ERC1: variants seen among roughly 807,000 people sequenced by gnomAD.
ERC1 encodes the protein RAB6 interacting protein 2.
In ERC1, 56 loss-of-function variants were observed where a neutral mutation model predicts 132.0. That is an observed-to-expected ratio of 0.42 (90% confidence interval 0.34 to 0.53). The LOEUF (loss-of-function observed/expected upper bound fraction) is 0.53. Among genes scored for constraint, ERC1 ranks in the 20% least tolerant of loss-of-function variants. The pLI, the probability that ERC1 is intolerant of heterozygous loss-of-function variation, is 0.03. For missense variants in ERC1, 1,202 were observed against 1,349.9 expected (o/e 0.89, Z 1.72); for synonymous variants, 478 against 476.1 (o/e 1.00, Z -0.05).
intron 15 of ERC1, among the ~76,000 whole-genome samples, chr12:1,312,741 T>C (rs1286103149): frequency 2.0e-5 from 3 of 152,210 alleles, no homozygotes. Flanking sequence ...TTGTTTCTGT[T>C]AAATTACATG....
intron 14 of ERC1, among the ~76,000 whole-genome samples, chr12:1,272,255 A>G (rs760049472): frequency 2.0e-5 from 3 of 152,210 alleles, no homozygotes; most frequent in Non-Finnish European, 4.4e-5. Context: ...ATCTACCACT[A>G]TTGGTACTTC....
At chr12:1,025,841 C>A (rs1213831707) in intron 1 of ERC1, among the ~76,000 whole-genome samples, 1 of 148,446 alleles carries the variant, frequency 6.7e-6, no homozygotes, top group Non-Finnish European at 1.5e-5. Context: ...TCTTGTCACC[C>A]AGGCTGGAGT....
At chr12:1,378,372 A>G (rs1272637099) in intron 16 of ERC1, among the ~76,000 whole-genome samples, 3 of 152,334 alleles carry the variant, frequency 2.0e-5, no homozygotes, top group African/African-American at 7.2e-5. Flanking sequence ...GAACGAAGCT[A>G]AAATCTTGTG....
At chr12:1,259,566 C>T (rs2077020641) in intron 13 of ERC1, among the ~76,000 whole-genome samples, 1 of 133,872 alleles carries the variant, frequency 7.5e-6, no homozygotes, top group Non-Finnish European at 1.5e-5. Context: ...CTCTGTTACC[C>T]AGGCTGGAGT....
chr12:1,442,490 TAGAG>T (rs947216328), intron 17 of ERC1, among the ~76,000 whole-genome samples: 2 of 151,926 alleles, frequency 1.3e-5, no homozygotes, highest in South Asian at 2.1e-4. Context: ...CGTTTATCCT[TAGAG>T]AGAGAGAGAG....
chr12:1,084,956 CT>C (rs1942782939), intron 3 of ERC1, among the ~76,000 whole-genome samples: 1 of 152,196 alleles, frequency 6.6e-6, no homozygotes, highest in Non-Finnish European at 1.5e-5. Flanking sequence ...CCCTCCTTGG[CT>C]TCTGAAAGTG....
intron 7 of ERC1, among the ~76,000 whole-genome samples, chr12:1,122,205 GTCTCTATCTCTA>G (rs57392340): frequency 1.2e-4 from 2 of 17,088 alleles, no homozygotes; most frequent in Admixed American, 6.1e-4. Flanking sequence ...CTCTATCTGT[GTCTCTATCTCTA>G]TCTCTATCTC....
chr12:989,992 G>A (rs977358368), upstream of ERC1: 2 of 152,242 alleles, frequency 1.3e-5, no homozygotes, highest in Admixed American at 6.5e-5. Context: ...TACTGAAGGG[G>A]GAGATGACAG....
At chr12:1,073,161 A>G (rs550278398) in intron 2 of ERC1, among the ~76,000 whole-genome samples, 23 of 152,076 alleles carry the variant, frequency 1.5e-4, no homozygotes, top group Admixed American at 3.9e-4. Context: ...TTAGCTAGGC[A>G]TGGTGGCTGT....
At chr12:1,351,426 C>T (rs548000479) in intron 15 of ERC1, among the ~76,000 whole-genome samples, 5 of 152,296 alleles carry the variant, frequency 3.3e-5, no homozygotes, top group African/African-American at 1.2e-4. Context: ...TTCCCACCAG[C>T]GGTGAATGAG....
At chr12:1,355,075 T>C (rs77581159) in intron 15 of ERC1, among the ~76,000 whole-genome samples, 1,531 of 152,182 alleles carry the variant, frequency 0.01, 33 homozygotes, top group African/African-American at 0.035. Flanking sequence ...ATAGGTAGGG[T>C]TGGAACTTTT....
intron 17 of ERC1, among the ~76,000 whole-genome samples, chr12:1,436,511 T>G (rs1012550156): frequency 6.6e-6 from 1 of 152,304 alleles, no homozygotes; most frequent in African/African-American, 2.4e-5. Context: ...CCCAATGCCA[T>G]AGGTGAGAAA....
chr12:1,346,900 C>T (rs2084518870), intron 15 of ERC1, among the ~76,000 whole-genome samples: 2 of 148,518 alleles, frequency 1.3e-5, no homozygotes, highest in South Asian at 4.2e-4. Flanking sequence ...CGAGATTGCG[C>T]CACTGCAGTC....
chr12:1,307,166 G>GT (rs1271543294), intron 15 of ERC1, among the ~76,000 whole-genome samples: 2 of 152,100 alleles, frequency 1.3e-5, no homozygotes, highest in African/African-American at 4.8e-5. Flanking sequence ...AATCAACTTT[G>GT]TTTTTTTCCT....
chr12:1,141,729 A>G lies in ERC1; in HGVS notation c.1679A>G (p.His560Arg), dbSNP rs1490578655. Residue 560 changes from histidine to arginine, a missense_variant, in exon 8 of 19, where the codon CAT (histidine) becomes CGT (arginine). His to Arg is a conservative substitution (Grantham distance 29). Coordinates refer to ENST00000360905, the MANE Select transcript of ERC1 (RefSeq NM_178040.4). Reference sequence around the variant, plus strand: ...AAGGGGACACAAGCTGGAGAGATACATGACCTCAAGGACATGTTGGATGTG... The same window carrying G: ...AAGGGGACACAAGCTGGAGAGATACGTGACCTCAAGGACATGTTGGATGTG... ...EEKGTQAGEI[H>R]DLKDMLDVKE... 1.2e-6 allele frequency: 2 copies of G among 1,613,320 alleles called. No individual in the cohort carries two copies. Among genetic ancestry groups the G allele is most frequent in the South Asian group, 2.2e-5 (2 of 90,926 alleles).
chr12:1,440,467 A>G (rs1318408816), intron 17 of ERC1, among the ~76,000 whole-genome samples: 1 of 149,024 alleles, frequency 6.7e-6, no homozygotes, highest in Admixed American at 6.7e-5. Context: ...TGGCCTCCCA[A>G]AGTGCTGCGA....
chr12:1,460,259 C>T lies in ERC1; in HGVS notation c.3213+15509C>T, dbSNP rs115702585. Among the ~76,000 whole-genome samples, 553 of 152,222 alleles carry T rather than the reference C, an allele frequency of 3.6e-3. 4 individuals carry two copies. Among genetic ancestry groups the T allele is most frequent in the African/African-American group, 0.013 (524 of 41,524 alleles). On this transcript the variant is annotated intron_variant, in intron 18 of 18. Coordinates refer to ENST00000360905, the MANE Select transcript of ERC1 (RefSeq NM_178040.4). Reference sequence around the variant, plus strand: ...ATAAAAAGTTTTTAAAAACTTAAATCAGTAAACTAGGATTAAGATTTTAAT... The same window carrying T: ...ATAAAAAGTTTTTAAAAACTTAAATTAGTAAACTAGGATTAAGATTTTAAT...
chr12:1,156,524 A>G (rs1409442484), intron 8 of ERC1, among the ~76,000 whole-genome samples: 4 of 152,218 alleles, frequency 2.6e-5, no homozygotes, highest in African/African-American at 9.6e-5. Flanking sequence ...TTTGTGAGCC[A>G]CCACGCCTGA....
In ERC1 at chr12:1,276,730, G is replaced by T. The variant is rs565004750; in HGVS notation, c.2620-13122G>T. On this transcript the variant is annotated intron_variant, in intron 14 of 18. Transcript: ENST00000360905. Reference sequence around the variant, plus strand: ...TCCTCAGCGTCTACCATTGCACCTGGTACACAATGGCATTCAATGAATATT... The same window carrying T: ...TCCTCAGCGTCTACCATTGCACCTGTTACACAATGGCATTCAATGAATATT... Among the ~76,000 whole-genome samples the T allele has an allele frequency of 4.6e-5, 7 of 152,190 alleles. No individual in the cohort carries two copies. In the East Asian group the frequency reaches 1.3e-3, roughly 29 times the overall value.
Sources: allele counts gnomAD v4.1 joint callset (sites outside exome capture counted in the v4.1 genomes callset), GRCh38; gene constraint gnomAD v4.1.1; transcripts MANE v1.5; gene names NCBI Gene and HGNC (gene_info 2026-07-23, HGNC 2026-07-21).